The following EFHC2 variants were observed in gnomAD, a reference collection of about 807,000 sequenced individuals.
EFHC2 encodes EF-hand domain-containing family member C2.
Under a neutral mutation model 52.7 loss-of-function variants are expected in EFHC2, and 18 were observed. The ratio of observed to expected loss-of-function variants is 0.34; its 90% CI spans 0.24 to 0.51. EFHC2 has a LOEUF of 0.51. EFHC2 is among the 20% of genes least tolerant of loss of function. The pLI is 0.97. For missense variants in EFHC2, 513 were observed against 562.5 expected (o/e 0.91, Z 0.89); for synonymous variants, 203 against 204.1 (o/e 0.99, Z 0.04).
intron 1 of EFHC2, among the ~76,000 whole-genome samples, chrX:44,315,219 G>A (rs1213080556): frequency 9.0e-6 from 1 of 110,697 alleles, no homozygotes; most frequent in African/African-American, 3.3e-5. Context: ...ACCATGATTG[G>A]AAGCTTTCTG....
intron 11 of EFHC2, among the ~76,000 whole-genome samples, chrX:44,184,666 T>C (rs781011427): frequency 9.8e-6 from 1 of 102,229 alleles, no homozygotes; most frequent in Non-Finnish European, 2.0e-5. Context: ...GAGGTTGCAG[T>C]GAGCTGAGAT....
intron 2 of EFHC2, among the ~76,000 whole-genome samples, chrX:44,277,686 G>A (rs894145841): frequency 1.8e-5 from 2 of 110,926 alleles, no homozygotes; most frequent in Non-Finnish European, 3.8e-5. Context: ...AAATATATCT[G>A]AAACATATGC....
chrX:44,156,312 G>T (rs1442334774), intron 14 of EFHC2, among the ~76,000 whole-genome samples: 1 of 112,443 alleles, frequency 8.9e-6, no homozygotes, highest in Non-Finnish European at 1.9e-5. Context: ...TATTTCGACT[G>T]TTATATTCAA....
intron 2 of EFHC2, among the ~76,000 whole-genome samples, chrX:44,299,643 C>A (rs2312465): frequency 0.18 from 19,518 of 110,941 alleles, 1,491 homozygotes; most frequent in African/African-American, 0.29. Flanking sequence ...AGCTGTACCC[C>A]GACCACCTTG....
intron 2 of EFHC2, among the ~76,000 whole-genome samples, chrX:44,308,051 C>T (rs1270593712): frequency 4.5e-5 from 5 of 111,885 alleles, no homozygotes; most frequent in African/African-American, 1.6e-4. Flanking sequence ...CAGATTTAGA[C>T]AATGCTAGAA....
intron 4 of EFHC2, among the ~76,000 whole-genome samples, chrX:44,259,196 A>G (rs2037518086): frequency 8.9e-6 from 1 of 112,241 alleles, no homozygotes; most frequent in South Asian, 3.7e-4. Context: ...GCACATATAC[A>G]CCATGGGATA....
intron 14 of EFHC2, among the ~76,000 whole-genome samples, chrX:44,149,339 T>G (rs891709037): frequency 9.0e-6 from 1 of 111,423 alleles, no homozygotes; most frequent in African/African-American, 3.3e-5. Context: ...AGGCTGGACT[T>G]GCGGACTAAG....
At chrX:44,241,746 G>A (rs2037360542) in intron 8 of EFHC2, among the ~76,000 whole-genome samples, 1 of 112,504 alleles carries the variant, frequency 8.9e-6, no homozygotes, top group South Asian at 3.7e-4. Context: ...GATCTGAGTG[G>A]TTGTGACAGA....
intron 2 of EFHC2, among the ~76,000 whole-genome samples, chrX:44,304,601 TTC>T (rs1008440512): frequency 1.8e-5 from 2 of 112,224 alleles, no homozygotes; most frequent in Non-Finnish European, 3.8e-5. Flanking sequence ...AGTGTTCGTG[TTC>T]TGTGTTCAGA....
At chrX:44,263,729 A>T (rs898544585) in intron 3 of EFHC2, among the ~76,000 whole-genome samples, 2 of 112,337 alleles carry the variant, frequency 1.8e-5, no homozygotes, top group African/African-American at 6.5e-5. Flanking sequence ...TTCAGGAACC[A>T]TTATATACTA....
At chrX:44,340,117 G>A (rs1213763629) in intron 1 of EFHC2, among the ~76,000 whole-genome samples, 1 of 111,358 alleles carries the variant, frequency 9.0e-6, no homozygotes, top group Non-Finnish European at 1.9e-5. Context: ...AGACCCACAC[G>A]TAGCTGGATG....
chrX:44,328,906 T>C (rs1046090514), intron 1 of EFHC2, among the ~76,000 whole-genome samples: 6 of 111,545 alleles, frequency 5.4e-5, no homozygotes, highest in African/African-American at 2.0e-4. Flanking sequence ...GAAAATTCTG[T>C]AAAGGGGCTC....
At position 44,163,973 on chromosome X, in the gene EFHC2, G is replaced by T; in HGVS notation, c.2097C>A (p.Asn699Lys). 8.6e-7 allele frequency: 1 copy of T among 1,166,729 alleles called. No individual in the cohort carries two copies. The highest frequency in any genetic ancestry group is 1.1e-6 in the Non-Finnish European group (1 of 871,924). ...IDYKSFFSAL[N>K]WRKNPVPELQ... ...ATTCAGGCACTGGATTCTTTCTCCA[G>T]TTCAGGGCAGAGAAAAATGACTTAT... is the stretch of plus-strand genomic sequence containing the variant. The change falls in exon 14 of 15, where the codon AAC becomes AAA. Residue 699 changes from asparagine to lysine, a missense_variant. Asn to Lys is a moderately conservative substitution (Grantham distance 94). Transcript: ENST00000420999.
chrX:44,224,093 T>C (rs1454073838), intron 11 of EFHC2, among the ~76,000 whole-genome samples: 3 of 112,109 alleles, frequency 2.7e-5, no homozygotes, highest in African/African-American at 9.7e-5. Context: ...AACAATGATG[T>C]TTATTATTTT....
chrX:44,219,447 T>C (rs1192670872), intron 11 of EFHC2, among the ~76,000 whole-genome samples: 1 of 111,613 alleles, frequency 9.0e-6, no homozygotes, highest in Non-Finnish European at 1.9e-5. Flanking sequence ...TCTATGATTT[T>C]CTTTGAAATG....
intron 12 of EFHC2, among the ~76,000 whole-genome samples, chrX:44,177,992 G>A (rs763144104): frequency 9.2e-6 from 1 of 109,185 alleles, no homozygotes; most frequent in South Asian, 4.0e-4. Flanking sequence ...TTAGCTGGGT[G>A]CGGTGGTGCG....
chrX:44,334,864 C>T (rs2038107469), intron 1 of EFHC2, among the ~76,000 whole-genome samples: 1 of 112,148 alleles, frequency 8.9e-6, no homozygotes, highest in Admixed American at 9.5e-5. Context: ...AATATTTCCT[C>T]CCACACTGTC....
At chrX:44,318,792 A>G (rs1260236290) in intron 1 of EFHC2, among the ~76,000 whole-genome samples, 1 of 111,223 alleles carries the variant, frequency 9.0e-6, no homozygotes, top group Non-Finnish European at 1.9e-5. Context: ...ACCATCTAAC[A>G]TATTGCTGCA....
chrX:44,196,558 T>C, intron 11 of EFHC2, among the ~76,000 whole-genome samples: 1 of 111,847 alleles, frequency 8.9e-6, no homozygotes, highest in Non-Finnish European at 1.9e-5. Context: ...ACTCAGAAAG[T>C]GTTTTTTAAT....
Sources: gnomAD v4.1 joint callset for allele counts (sites outside exome capture counted in the v4.1 genomes callset) on GRCh38, gnomAD v4.1.1 for gene constraint, MANE v1.5 for transcripts, NCBI Gene and HGNC (gene_info 2026-07-23, HGNC 2026-07-21) for gene names.